The following CAPN9 variants were observed in gnomAD, a reference collection of about 807,000 sequenced individuals.
CAPN9 encodes calpain 9.
CAPN9 carries 81 observed loss-of-function variants against 92.8 expected under a neutral mutation model. That is an observed-to-expected ratio of 0.87 (90% CI 0.73 to 1.05). The LOEUF (loss-of-function observed/expected upper bound fraction) is 1.05. CAPN9 is among the 50% of genes least tolerant of loss of function. CAPN9 has a pLI of 0.00. For synonymous variants in CAPN9, 304 were observed against 328.0 expected (o/e 0.93, Z 0.79); for missense variants, 848 against 866.2 (o/e 0.98, Z 0.26).
At chr1:230,790,044 A>G in intron 13 of CAPN9, 88 bp from the exon 14 acceptor site, 1 of 1,136,964 alleles carries the variant, frequency 8.8e-7, no homozygotes, top group Non-Finnish European at 1.3e-6. Flanking sequence ...ACTGGAGCCA[A>G]ATGAAGCTCA....
chr1:230,799,306 C>T (rs1668536379), intron 19 of CAPN9, among the ~76,000 whole-genome samples: 1 of 152,192 alleles, frequency 6.6e-6, no homozygotes, highest in Non-Finnish European at 1.5e-5. Context: ...GCAGGCTGCT[C>T]GGTGCCTCAG....
At chr1:230,790,446 A>G (rs1188433392) in intron 14 of CAPN9, 10 of 294,558 alleles carry the variant, frequency 3.4e-5, no homozygotes, top group Non-Finnish European at 5.0e-5. Flanking sequence ...ATAAATAACC[A>G]CTCTTAACAT....
chr1:230,762,381 C>T (rs1350269729), intron 3 of CAPN9, among the ~76,000 whole-genome samples: 2 of 152,270 alleles, frequency 1.3e-5, no homozygotes, highest in African/African-American at 4.8e-5. Context: ...CTTGTGAGTC[C>T]TGTCCTGCCC....
intron 3 of CAPN9, among the ~76,000 whole-genome samples, chr1:230,761,555 A>AACACACACACACACACACACACAC (rs147168033): frequency 4.9e-4 from 74 of 150,618 alleles, no homozygotes; most frequent in Middle Eastern, 3.5e-3. Flanking sequence ...TCTTCCTTAA[A>AACACACACACACACACACACACAC]ACACACACAC....
At chr1:230,778,020 T>A (rs553482921) in intron 8 of CAPN9, among the ~76,000 whole-genome samples, 22 of 152,222 alleles carry the variant, frequency 1.4e-4, no homozygotes, top group Admixed American at 3.9e-4. Context: ...GATTCCAGAG[T>A]CACATATTCA....
At position 230,772,114 on chromosome 1, in the gene CAPN9, C is replaced by T. The variant is rs954700692; in HGVS notation, c.875+15C>T. 6 of 1,611,820 alleles carry T rather than the reference C, an allele frequency of 3.7e-6. No homozygotes were observed. The highest frequency in any genetic ancestry group is 5.1e-6 in the Non-Finnish European group (6 of 1,177,828). Reference sequence around the variant, plus strand: ...TGGAGCGACAGGTCAGTCACCCTATCCTGCCTCTCTGGCTGGTTCCCGGGG... The same window carrying T: ...TGGAGCGACAGGTCAGTCACCCTATTCTGCCTCTCTGGCTGGTTCCCGGGG... On this transcript the variant is annotated intron_variant, in intron 7 of 19. Transcript: ENST00000271971.
chr1:230,793,152 T>A (rs1668124025), intron 17 of CAPN9, among the ~76,000 whole-genome samples: 1 of 152,166 alleles, frequency 6.6e-6, no homozygotes, highest in South Asian at 2.1e-4. Flanking sequence ...TGAACATTGG[T>A]AGAAACTTTT....
chr1:230,760,425 A>C (rs1665561031), intron 3 of CAPN9, among the ~76,000 whole-genome samples: 1 of 152,106 alleles, frequency 6.6e-6, no homozygotes, highest in Non-Finnish European at 1.5e-5. Context: ...CTTCCACCCC[A>C]GACAGTGTCA....
At chr1:230,801,543 C>T (rs768535452) in intron 19 of CAPN9, 27 bp from the exon 20 acceptor site, 4 of 1,611,958 alleles carry the variant, frequency 2.5e-6, no homozygotes, top group South Asian at 1.1e-5. Flanking sequence ...GGACAACGAC[C>T]CCTCATCTCT....
chr1:230,747,535 C>G lies in CAPN9; in HGVS notation c.39C>G (p.His13Gln). The G allele has an allele frequency of 6.2e-7, 1 of 1,614,174 alleles. No individual in the cohort carries two copies. Among genetic ancestry groups the G allele is most frequent in the Non-Finnish European group, 8.5e-7 (1 of 1,180,044 alleles). Residue 13 changes from histidine (H) to glutamine (Q), a missense_variant, in exon 1 of 20, where the codon CAC becomes CAG. By Grantham distance (24) the His-to-Gln change is conservative. Transcript: ENST00000271971. ...ACCGGGCCCCAGGGCCTCAGGCACA[C>G]CCGGTTCCCAAGGACGCCCGGATCA... is the stretch of plus-strand genomic sequence containing the variant. ...YLYRAPGPQA[H>Q]PVPKDARITH...
intron 8 of CAPN9, among the ~76,000 whole-genome samples, chr1:230,775,647 G>A (rs1462782527): frequency 6.6e-6 from 1 of 152,174 alleles, no homozygotes; most frequent in African/African-American, 2.4e-5. Context: ...GCAGGGCACG[G>A]TGGCTCACGC....
rs1373095167 is a variant in CAPN9, at chr1:230,780,275, A to G, written c.1211A>G (p.Asp404Gly). ...CSFLVALMQK[D>G]RRKLKRFGAN... The stretch of plus-strand genomic sequence containing the variant: ...TTCCTTGTAGCCCTGATGCAGAAAG[A>G]TAGAAGGAAACTCAAGAGATTTGGT... The change falls in exon 10 of 20, where the codon GAT becomes GGT. Residue 404 changes from aspartate to glycine, a missense_variant. Transcript: ENST00000271971. The G allele has an allele frequency of 6.2e-7, 1 of 1,614,162 alleles. No homozygotes were observed. The highest frequency in any genetic ancestry group is 1.6e-4 in the Middle Eastern group (1 of 6,062).
At chr1:230,789,789 GA>G (rs1667857089) in intron 13 of CAPN9, among the ~76,000 whole-genome samples, 1 of 152,152 alleles carries the variant, frequency 6.6e-6, no homozygotes, top group Admixed American at 6.5e-5. Flanking sequence ...TCCAACATAG[GA>G]ATCATCTGAG....
chr1:230,787,380 G>A (rs552331789), intron 12 of CAPN9, 142 bp from the exon 13 acceptor site: 15 of 632,494 alleles, frequency 2.4e-5, no homozygotes, highest in African/African-American at 1.3e-4. Context: ...TGTTCCTCAC[G>A]CTACAGGACG....
At chr1:230,783,454 C>T (rs949447459) in intron 11 of CAPN9, among the ~76,000 whole-genome samples, 1 of 152,032 alleles carries the variant, frequency 6.6e-6, no homozygotes, top group Non-Finnish European at 1.5e-5. Context: ...GTGCTATCCT[C>T]GTGATACTGA....
At chr1:230,766,159 C>T (rs933559764) in intron 4 of CAPN9, among the ~76,000 whole-genome samples, 10 of 152,096 alleles carry the variant, frequency 6.6e-5, no homozygotes, top group South Asian at 2.1e-4. Context: ...GCAGTGGCAC[C>T]GTAATAGCTC....
chr1:230,767,509 ACTCTCTC>A (rs771569749), intron 4 of CAPN9, 25 bp from the exon 5 acceptor site: 1 of 1,578,916 alleles, frequency 6.3e-7, no homozygotes, highest in Non-Finnish European at 8.6e-7. Flanking sequence ...TAGGTCCCTG[ACTCTCTC>A]CTCTCTCTCT....
intron 1 of CAPN9, among the ~76,000 whole-genome samples, chr1:230,749,445 A>C (rs1479533814): frequency 6.6e-6 from 1 of 152,242 alleles, no homozygotes; most frequent in Admixed American, 6.5e-5. Flanking sequence ...GCCTCGGCGC[A>C]TGAACAAATG....
At chr1:230,780,119 TG>T in intron 9 of CAPN9, 59 bp from the exon 10 acceptor site, 3 of 904,298 alleles carry the variant, frequency 3.3e-6, no homozygotes, top group Non-Finnish European at 5.1e-6. Context: ...TGTGTGTGTG[TG>T]TGGTCTTTGT....
Sources: gnomAD v4.1 joint callset for allele counts (sites outside exome capture counted in the v4.1 genomes callset) on GRCh38, gnomAD v4.1.1 for gene constraint, MANE v1.5 for transcripts, NCBI Gene and HGNC (gene_info 2026-07-23, HGNC 2026-07-21) for gene names.